The following INSYN2B variants were observed in gnomAD, a reference collection of about 807,000 sequenced individuals.
The protein encoded by INSYN2B is protein INSYN2B.
In INSYN2B, 16 loss-of-function variants were observed where a neutral mutation model predicts 41.2. That is an observed-to-expected ratio of 0.39 (90% CI 0.26 to 0.59). The LOEUF is 0.59. Ranked by LOEUF, INSYN2B falls within the 20% of genes least tolerant of loss-of-function variation. INSYN2B has a pLI of 0.57. For synonymous variants in INSYN2B, 245 were observed against 244.4 expected (o/e 1.00, Z -0.02); for missense variants, 608 against 646.4 (o/e 0.94, Z 0.64).
intron 1 of INSYN2B, among the ~76,000 whole-genome samples, chr5:169,885,167 C>T (rs961926458): frequency 6.6e-5 from 10 of 152,178 alleles, no homozygotes; most frequent in African/African-American, 1.4e-4. Flanking sequence ...TGTACATCCT[C>T]GTCACATTTT....
intron 1 of INSYN2B, among the ~76,000 whole-genome samples, chr5:169,894,838 G>A (rs1773504542): frequency 6.6e-6 from 1 of 152,172 alleles, no homozygotes; most frequent in Non-Finnish European, 1.5e-5. Context: ...AGTCCATGCG[G>A]GGGTTGTGGC....
At position 169,883,707 on chromosome 5, in the gene INSYN2B, C is replaced by T; in HGVS notation, c.192G>A (p.Val64=). 1 of 1,551,388 alleles carries T rather than the reference C, an allele frequency of 6.4e-7. No homozygotes were observed. Among genetic ancestry groups the T allele is most frequent in the Non-Finnish European group, 8.7e-7 (1 of 1,146,828 alleles). ...VDVQTPEDPA[V]MGKTQATRHH... ...GCCTGGTTGCTTGAGTCTTCCCCAT[C>T]ACAGCCGGGTCTTCTGGAGTTTGGA... The change falls in exon 2 of 4, where the codon GTG becomes GTA. Residue 64 remains valine, a synonymous_variant. Transcript: ENST00000377365.
At chr5:169,974,785 T>A (rs949157469) in intron 1 of INSYN2B, among the ~76,000 whole-genome samples, 2 of 152,190 alleles carry the variant, frequency 1.3e-5, no homozygotes, top group African/African-American at 4.8e-5. Flanking sequence ...ACATGGAGAA[T>A]AAATCCTTGT....
At chr5:169,939,645 C>T (rs1362260733) in intron 1 of INSYN2B, among the ~76,000 whole-genome samples, 1 of 152,004 alleles carries the variant, frequency 6.6e-6, no homozygotes. Flanking sequence ...AGGATGGGTG[C>T]GATGCCACTA....
chr5:169,974,166 C>T (rs1777628823), intron 1 of INSYN2B, among the ~76,000 whole-genome samples: 1 of 152,120 alleles, frequency 6.6e-6, no homozygotes, highest in South Asian at 2.1e-4. Flanking sequence ...ACCTATATCC[C>T]CTCTCTGTTC....
intron 1 of INSYN2B, among the ~76,000 whole-genome samples, chr5:169,899,551 A>AATATAAATG (rs1773802921): frequency 1.3e-5 from 2 of 152,192 alleles, no homozygotes; most frequent in Admixed American, 1.3e-4. Flanking sequence ...AATAATGGAG[A>AATATAAATG]ATATAAATGT....
At chr5:169,908,712 T>G (rs948074850) in intron 1 of INSYN2B, among the ~76,000 whole-genome samples, 1 of 121,264 alleles carries the variant, frequency 8.2e-6, no homozygotes, top group Non-Finnish European at 1.6e-5. Flanking sequence ...TTTTCTTTTT[T>G]CTTTTTTTTT....
chr5:169,922,550 G>T (rs1775231347), intron 1 of INSYN2B, among the ~76,000 whole-genome samples: 1 of 152,126 alleles, frequency 6.6e-6, no homozygotes, highest in South Asian at 2.1e-4. Flanking sequence ...CCAACAATGA[G>T]AAAAATAACC....
intron 3 of INSYN2B, 130 bp downstream of exon 3, chr5:169,881,238 G>A (rs1229265188): frequency 1.4e-6 from 1 of 726,452 alleles, no homozygotes; most frequent in South Asian, 1.7e-5. Flanking sequence ...GGAACCAGAT[G>A]TTAACATTTC....
At chr5:169,865,704 G>A (rs901089247) in intron 3 of INSYN2B, among the ~76,000 whole-genome samples, 4 of 152,224 alleles carry the variant, frequency 2.6e-5, no homozygotes, top group African/African-American at 9.6e-5. Context: ...GGAAGTGGAG[G>A]AAACGTGGTC....
In INSYN2B at chr5:169,961,919, C is replaced by T. The variant is rs1376952643; in HGVS notation, c.-919+18358G>A. The stretch of plus-strand genomic sequence containing the variant: ...ACTTGAACCCAGGAGGCGGAGGTTG[C>T]AGTGAGCCGAGATCGTGCCACTGCA... On this transcript the variant is annotated intron_variant, in intron 1 of 3. Coordinates refer to ENST00000377365, the MANE Select transcript of INSYN2B (RefSeq NM_001129891.3). Among the ~76,000 whole-genome samples, 6 of 136,296 alleles carry T rather than the reference C, an allele frequency of 4.4e-5. No homozygotes were observed. In the East Asian group the frequency reaches 1.3e-3, roughly 30 times the overall value. The allele number at this position is 136,296 out of a possible 152,430, so 89.4% of individuals were successfully genotyped here. A position where few individuals can be genotyped will look rare whatever the true frequency, so the allele number is the denominator to read the frequency against.
At chr5:169,899,776 A>G (rs145310188) in intron 1 of INSYN2B, among the ~76,000 whole-genome samples, 26 of 152,268 alleles carry the variant, frequency 1.7e-4, no homozygotes, top group African/African-American at 2.9e-4. Context: ...AATTTCCCCA[A>G]TGTGTTCACA....
chr5:169,934,285 A>G (rs1380052190), intron 1 of INSYN2B, among the ~76,000 whole-genome samples: 2 of 152,226 alleles, frequency 1.3e-5, no homozygotes, highest in East Asian at 1.9e-4. Flanking sequence ...TTACCCGGGA[A>G]GACTTCTCTG....
At chr5:169,906,720 A>G (rs1207721837) in intron 1 of INSYN2B, among the ~76,000 whole-genome samples, 1 of 152,172 alleles carries the variant, frequency 6.6e-6, no homozygotes, top group Non-Finnish European at 1.5e-5. Context: ...TAAGCCCATT[A>G]TCTTTCTGCC....
chr5:169,978,501 T>C (rs1777817912), intron 1 of INSYN2B, among the ~76,000 whole-genome samples: 1 of 151,728 alleles, frequency 6.6e-6, no homozygotes. Context: ...ATGATGATGA[T>C]GATGATGAAT....
At chr5:169,979,329 T>C (rs2113780043) in intron 1 of INSYN2B, among the ~76,000 whole-genome samples, 1 of 152,290 alleles carries the variant, frequency 6.6e-6, no homozygotes, top group East Asian at 1.9e-4. Flanking sequence ...CCTAAAAATT[T>C]AAGACATGGT....
Position 169,873,688 on chromosome 5 carries a change from T to C in INSYN2B, c.1421+7680A>G, listed in dbSNP as rs189585183. 2.1e-3 allele frequency among the ~76,000 whole-genome samples: 323 copies of C among 152,374 alleles called. 2 individuals carry two copies. The highest frequency in any genetic ancestry group is 3.9e-3 in the Admixed American group (59 of 15,308). On this transcript the variant is annotated intron_variant, in intron 3 of 3. Transcript: ENST00000377365. Reference sequence around the variant, plus strand: ...AAGTTGGCTGCTAAACCCATAGGACTGAGTGCATATTGCATTTCTAGAGAA... The same window carrying C: ...AAGTTGGCTGCTAAACCCATAGGACCGAGTGCATATTGCATTTCTAGAGAA...
intron 1 of INSYN2B, among the ~76,000 whole-genome samples, chr5:169,973,875 C>G (rs1777615389): frequency 6.6e-6 from 1 of 152,180 alleles, no homozygotes; most frequent in South Asian, 2.1e-4. Context: ...TCTATTCATT[C>G]ATTCATCTGT....
chr5:169,922,575 A>T lies in INSYN2B; in HGVS notation c.-918-37759T>A, dbSNP rs540411821. On this transcript the variant is annotated intron_variant, in intron 1 of 3. Coordinates refer to ENST00000377365, the MANE Select transcript of INSYN2B (RefSeq NM_001129891.3). ...GAAAAATAACCGTTAATGGTTGAGG[A>T]TTTGCAGTTTAGAGAATATCACCTA... 3.9e-5 allele frequency among the ~76,000 whole-genome samples: 6 copies of T among 152,314 alleles called. No individual in the cohort carries two copies. The East Asian group carries it at 1.2e-3, about 29-fold the overall frequency.
Sources: gnomAD v4.1 joint callset for allele counts (sites outside exome capture counted in the v4.1 genomes callset) on GRCh38, gnomAD v4.1.1 for gene constraint, MANE v1.5 for transcripts, NCBI Gene and HGNC (gene_info 2026-07-23, HGNC 2026-07-21) for gene names.